Variants in PACRG observed in about 807,000 individuals in gnomAD.
The protein encoded by PACRG is parkin coregulated.
PACRG carries 29 observed loss-of-function variants against 29.7 expected under a neutral mutation model. The ratio of observed to expected loss-of-function variants is 0.98; its 90% CI spans 0.73 to 1.33. The LOEUF is 1.33. Ranked by LOEUF, PACRG falls within the 40% of genes most tolerant of loss-of-function variation. The pLI, the probability that PACRG is intolerant of heterozygous loss-of-function variation, is 0.00. For synonymous variants in PACRG, 116 were observed against 118.7 expected, an observed-to-expected ratio of 0.98 and a Z score of 0.15; for missense variants, 279 against 316.2, an observed-to-expected ratio of 0.88 and a Z score of 0.89.
intron 4 of PACRG, among the ~76,000 whole-genome samples, chr6:163,288,823 G>A (rs1784484353): frequency 6.6e-6 from 1 of 152,158 alleles, no homozygotes; most frequent in African/African-American, 2.4e-5. Flanking sequence ...ACAATTTAGG[G>A]GGTATGTGTG....
intron 3 of PACRG, among the ~76,000 whole-genome samples, chr6:163,084,907 A>G (rs1273157640): frequency 8.9e-6 from 1 of 112,084 alleles, no homozygotes. Flanking sequence ...TGATACCAGT[A>G]TATTCTACAG....
chr6:163,296,493 C>T (rs2128188675), intron 4 of PACRG, among the ~76,000 whole-genome samples: 1 of 152,286 alleles, frequency 6.6e-6, no homozygotes, highest in Non-Finnish European at 1.5e-5. Flanking sequence ...CGGGGTTTCA[C>T]CATCTTGGCC....
At chr6:163,003,543 C>CT (rs35388901) in intron 2 of PACRG, among the ~76,000 whole-genome samples, 1 of 152,090 alleles carries the variant, frequency 6.6e-6, no homozygotes, top group African/African-American at 2.4e-5. Context: ...TCAAACTTCC[C>CT]TTTTTTCTAT....
At chr6:163,289,940 CAGG>C (rs1299943855) in intron 4 of PACRG, among the ~76,000 whole-genome samples, 3 of 152,084 alleles carry the variant, frequency 2.0e-5, no homozygotes, top group African/African-American at 7.2e-5. Flanking sequence ...CTCCGCCTCC[CAGG>C]TTCAAGTGAT....
chr6:163,296,326 T>A (rs943094538), intron 4 of PACRG, among the ~76,000 whole-genome samples: 1 of 152,210 alleles, frequency 6.6e-6, no homozygotes, highest in Admixed American at 6.5e-5. Flanking sequence ...AATCTCGCCC[T>A]GTCGCCCAGG....
At chr6:163,065,902 T>C (rs1434742461) in intron 3 of PACRG, among the ~76,000 whole-genome samples, 1 of 152,030 alleles carries the variant, frequency 6.6e-6, no homozygotes, top group African/African-American at 2.4e-5. Context: ...AAAAGACAAG[T>C]GTATAAAAAT....
At chr6:163,018,303 G>A (rs558672761) in intron 2 of PACRG, among the ~76,000 whole-genome samples, 2 of 152,098 alleles carry the variant, frequency 1.3e-5, no homozygotes, top group African/African-American at 4.8e-5. Context: ...CTTTGTAACT[G>A]TCACTTCTTC....
intron 2 of PACRG, among the ~76,000 whole-genome samples, chr6:162,946,209 T>G (rs981892573): frequency 2.6e-5 from 4 of 151,768 alleles, no homozygotes; most frequent in Non-Finnish European, 2.9e-5. Context: ...CAAAACATTG[T>G]TTTAAAGATC....
intron 2 of PACRG, among the ~76,000 whole-genome samples, chr6:162,929,866 T>G (rs2128104776): frequency 6.6e-6 from 1 of 152,216 alleles, no homozygotes; most frequent in South Asian, 2.1e-4. Context: ...TCTTGGCAAC[T>G]TTTTCAAAAA....
At chr6:162,942,254 GGGGA>G (rs1228534671) in intron 2 of PACRG, among the ~76,000 whole-genome samples, 1 of 152,144 alleles carries the variant, frequency 6.6e-6, no homozygotes, top group Non-Finnish European at 1.5e-5. Context: ...ATAAGACCTA[GGGGA>G]GGGAGGATTA....
At chr6:162,932,913 T>G (rs1187936105) in intron 2 of PACRG, among the ~76,000 whole-genome samples, 1 of 151,304 alleles carries the variant, frequency 6.6e-6, no homozygotes, top group African/African-American at 2.4e-5. Context: ...TGGGTTTAGC[T>G]TTTTTTTTCT....
chr6:162,769,178 C>T (rs987074971), intron 1 of PACRG, among the ~76,000 whole-genome samples: 10 of 152,088 alleles, frequency 6.6e-5, no homozygotes, highest in African/African-American at 2.4e-4. Flanking sequence ...GTAATCTGCA[C>T]ACCTTTTATT....
At chr6:162,768,292 G>C (rs1782955743) in intron 1 of PACRG, among the ~76,000 whole-genome samples, 1 of 152,042 alleles carries the variant, frequency 6.6e-6, no homozygotes, top group Non-Finnish European at 1.5e-5. Flanking sequence ...CAACAACCTT[G>C]TGGTTTCTGT....
At chr6:162,913,584 C>T (rs372820960) in intron 2 of PACRG, among the ~76,000 whole-genome samples, 36 of 152,248 alleles carry the variant, frequency 2.4e-4, no homozygotes, top group Admixed American at 9.8e-4. Flanking sequence ...AGGAGTATAA[C>T]GGCTGAGTTG....
chr6:162,838,707 G>T (rs188135102), intron 2 of PACRG, among the ~76,000 whole-genome samples: 57 of 150,698 alleles, frequency 3.8e-4, no homozygotes, highest in African/African-American at 1.3e-3. Context: ...TGGTCATCTA[G>T]CATTACGTAT....
At chr6:162,967,040 T>C (rs1226493957) in intron 2 of PACRG, among the ~76,000 whole-genome samples, 1 of 152,198 alleles carries the variant, frequency 6.6e-6, no homozygotes, top group African/African-American at 2.4e-5. Context: ...CACTTAACCT[T>C]GACATTATTT....
chr6:163,297,393 A>G (rs1326302981), intron 4 of PACRG, among the ~76,000 whole-genome samples: 1 of 152,204 alleles, frequency 6.6e-6, no homozygotes, highest in African/African-American at 2.4e-5. Flanking sequence ...TAAATAGCAG[A>G]CTTCAGTTTC....
chr6:162,958,876 TATATATATAGAGAGAGAGAGAGAGAGAG>T (rs1410166995), intron 2 of PACRG, among the ~76,000 whole-genome samples: 3,174 of 29,358 alleles, frequency 0.11, 38 homozygotes, highest in Non-Finnish European at 0.12. Flanking sequence ...TATATATATA[TATATATATAGAGAGAGAGAGAGAGAGAG>T]AGAGAGAGAG....
rs1368853300 is a variant in PACRG, at chr6:162,788,789, T to C, written c.157-25358T>C. ...CGGAGCATCTTTTTGTATGTTTACC[T>C]GCCATCTTTATATCTTTGGGAGGTC... On this transcript the variant is annotated intron_variant, in intron 1 of 4. Coordinates refer to ENST00000366888, the MANE Select transcript of PACRG (RefSeq NM_001080379.2). 2.0e-5 allele frequency among the ~76,000 whole-genome samples: 3 copies of C among 152,370 alleles called. No individual in the cohort carries two copies. The East Asian group carries it at 5.8e-4, about 29-fold the overall frequency.
Sources: allele counts gnomAD v4.1 joint callset (sites outside exome capture counted in the v4.1 genomes callset), GRCh38; gene constraint gnomAD v4.1.1; transcripts MANE v1.5; gene names NCBI Gene and HGNC (gene_info 2026-07-23, HGNC 2026-07-21).